The following PSG11 variants were observed in gnomAD, a reference collection of about 807,000 sequenced individuals.
The protein encoded by PSG11 is pregnancy specific beta-1-glycoprotein 11.
Under a neutral mutation model 36.0 loss-of-function variants are expected in PSG11, and 42 were observed. That is an observed-to-expected ratio of 1.17 (90% CI 0.91 to 1.51). The LOEUF (loss-of-function observed/expected upper bound fraction) is 1.51, where lower values mean the gene tolerates loss of function less well. Ranked by LOEUF, PSG11 falls within the 40% of genes most tolerant of loss-of-function variation. The pLI is 0.00. For synonymous variants in PSG11, 206 were observed against 153.5 expected (o/e 1.34, Z -2.53); for missense variants, 558 against 403.5 (o/e 1.38, Z -3.28).
At chr19:43,020,899 A>T (rs1967086430) in intron 2 of PSG11, among the ~76,000 whole-genome samples, 1 of 151,486 alleles carries the variant, frequency 6.6e-6, no homozygotes, top group Non-Finnish European at 1.5e-5. Flanking sequence ...TTTTCTGTTA[A>T]GCTCAGGAAA....
intron 3 of PSG11, 27 bp downstream of exon 3, chr19:43,018,743 G>A (rs767152643): frequency 6.2e-7 from 1 of 1,612,092 alleles, no homozygotes; most frequent in Non-Finnish European, 8.5e-7. Flanking sequence ...TGGCAGCCTG[G>A]CTCACAGAGG....
chr19:43,015,343 G>C lies in PSG11; in HGVS notation c.737C>G (p.Pro246Arg), dbSNP rs1966934275. The C allele has an allele frequency of 6.2e-7, 1 of 1,610,644 alleles. No homozygotes were observed. The highest frequency in any genetic ancestry group is 1.3e-5 in the African/African-American group (1 of 74,346). ...TCCTGAATAGTAAGAGGTGACTGAA[G>C]GGAAAATTCTGGGGAGGTCTGGACC... ...LHGPDLPRIF[P>R]SVTSYYSGEN... Residue 246 changes from proline (P) to arginine (R), a missense_variant, in exon 4 of 6, where the codon CCT becomes CGT. Pro to Arg is a moderately radical substitution (Grantham distance 103, BLOSUM62 -2). Coordinates refer to ENST00000320078, the MANE Select transcript of PSG11 (RefSeq NM_002785.3).
intron 2 of PSG11, among the ~76,000 whole-genome samples, chr19:43,021,838 C>G (rs1967108881): frequency 6.6e-6 from 1 of 151,288 alleles, no homozygotes; most frequent in African/African-American, 2.4e-5. Flanking sequence ...GTGAAATGAG[C>G]TCATGGGCTT....
chr19:43,016,435 C>A (rs150742537), intron 3 of PSG11, among the ~76,000 whole-genome samples: 1 of 150,968 alleles, frequency 6.6e-6, no homozygotes, highest in South Asian at 2.1e-4. Flanking sequence ...ACTTTGCCCC[C>A]CTAGATGTGA....
chr19:43,014,312 C>A, intron 4 of PSG11: 1 of 881,916 alleles, frequency 1.1e-6, no homozygotes, highest in Non-Finnish European at 1.4e-6. Flanking sequence ...TGGCACTGCC[C>A]CTTTCCTGCC....
chr19:43,014,445 G>C (rs771930160), intron 4 of PSG11: 18 of 960,802 alleles, frequency 1.9e-5, no homozygotes, highest in Non-Finnish European at 2.1e-5. Flanking sequence ...GAGCCAGGAC[G>C]CAGCTCAGGA....
intron 1 of PSG11, 98 bp downstream of exon 1, chr19:43,026,211 C>CT (rs1428440298): frequency 3.9e-6 from 6 of 1,556,030 alleles, no homozygotes; most frequent in Non-Finnish European, 5.3e-6. Context: ...TAAATGCTGG[C>CT]TTTTTTATTT....
In PSG11 at chr19:43,013,148, G is replaced by C. The variant is rs892772291; in HGVS notation, c.964+1968C>G. On this transcript the variant is annotated intron_variant, in intron 4 of 5. Coordinates refer to ENST00000320078, the MANE Select transcript of PSG11 (RefSeq NM_002785.3). ...CCCACAATAAATCATAGATCTAAAT[G>C]TGAGAGCAAAAACTATACAACTCTT... 7.9e-5 allele frequency among the ~76,000 whole-genome samples: 12 copies of C among 151,346 alleles called. 1 individual carries two copies. Among genetic ancestry groups the C allele is most frequent in the Admixed American group, 7.3e-4 (11 of 15,146 alleles).
intron 3 of PSG11, chr19:43,018,199 T>A (rs1402386831): frequency 6.0e-6 from 1 of 166,588 alleles, no homozygotes; most frequent in Non-Finnish European, 1.3e-5. Flanking sequence ...CCTCTATATG[T>A]TTTAGTGATT....
intron 2 of PSG11, among the ~76,000 whole-genome samples, chr19:43,022,441 C>A (rs925437030): frequency 6.6e-6 from 1 of 151,274 alleles, no homozygotes; most frequent in African/African-American, 2.4e-5. Flanking sequence ...CAGCAGTACT[C>A]ATTTTTTAGT....
chr19:43,009,262 C>T (rs11882741), intron 5 of PSG11, among the ~76,000 whole-genome samples: 73,308 of 150,092 alleles, frequency 0.49, 19,263 homozygotes, highest in East Asian at 0.98. Flanking sequence ...TTGTTCTCCA[C>T]GAGGTCAGAT....
intron 2 of PSG11, chr19:43,019,362 G>T: frequency 2.5e-6 from 1 of 405,328 alleles, no homozygotes. Context: ...CCAACTGCCT[G>T]CCTGGCCCAC....
intron 3 of PSG11, among the ~76,000 whole-genome samples, 180 bp from the exon 4 acceptor site, chr19:43,015,550 G>T (rs1184364279): frequency 1.3e-5 from 2 of 151,328 alleles, no homozygotes; most frequent in Non-Finnish European, 2.9e-5. Flanking sequence ...ACCACAAGCT[G>T]TGGGCCCCAA....
chr19:43,025,979 T>A (rs1300699522), intron 1 of PSG11, among the ~76,000 whole-genome samples: 1 of 132,596 alleles, frequency 7.5e-6, no homozygotes, highest in Non-Finnish European at 1.6e-5. Context: ...TCTCGTACTG[T>A]CACCCAGCCT....
chr19:43,024,415 A>T, intron 2 of PSG11: 1 of 562,090 alleles, frequency 1.8e-6, no homozygotes, highest in South Asian at 2.2e-5. Flanking sequence ...AGAGGGCATG[A>T]GGTGCTTGGC....
intron 2 of PSG11, among the ~76,000 whole-genome samples, chr19:43,024,137 G>A (rs1388935376): frequency 6.6e-6 from 1 of 151,274 alleles, no homozygotes; most frequent in Non-Finnish European, 1.5e-5. Flanking sequence ...CCCAGATGAG[G>A]CTCTGAGGGC....
At position 43,008,466 on chromosome 19, in the gene PSG11, T is replaced by C. The variant is rs1054185104; in HGVS notation, c.*41-424A>G. 2.0e-5 allele frequency among the ~76,000 whole-genome samples: 3 copies of C among 150,946 alleles called. 1 individual carries two copies. Among genetic ancestry groups the C allele is most frequent in the African/African-American group, 7.3e-5 (3 of 40,830 alleles). ...TTTGTTTTTGCGTTTTTGGTAGAGA[T>C]GGGGTTTCACTGTGTTAGCCAGGAA... On this transcript the variant is annotated intron_variant, in intron 5 of 5. Transcript: ENST00000320078.
intron 3 of PSG11, chr19:43,015,977 A>T (rs1966954819): frequency 6.2e-7 from 1 of 1,609,960 alleles, no homozygotes. Context: ...TCACAGGTGA[A>T]GGTTAAGACA....
chr19:43,026,342 C>G lies in PSG11; in HGVS notation c.31G>C (p.Glu11Gln), dbSNP rs140267074. Reference protein sequence around the residue: MGPLSAPPCTEHIKWKGLLLT... With the variant: MGPLSAPPCTQHIKWKGLLLT... ...AGGAGCCCCTTCCATTTGATGTGCT[C>G]TGTGCAGGGAGGGGCTGAGAGGGGC... The change falls in exon 1 of 6, where the codon GAG becomes CAG. Residue 11 changes from glutamate to glutamine, a missense_variant. Coordinates refer to ENST00000320078, the MANE Select transcript of PSG11 (RefSeq NM_002785.3). 824 of 1,611,140 alleles carry G rather than the reference C, an allele frequency of 5.1e-4. 23 individuals carry two copies. The highest frequency in any genetic ancestry group is 2.1e-3 in the African/African-American group (159 of 74,416).
Sources: gnomAD v4.1 joint callset for allele counts (sites outside exome capture counted in the v4.1 genomes callset) on GRCh38, gnomAD v4.1.1 for gene constraint, MANE v1.5 for transcripts, NCBI Gene and HGNC (gene_info 2026-07-23, HGNC 2026-07-21) for gene names.